Variants in CPEB1 observed in about 807,000 individuals in gnomAD.
The protein encoded by CPEB1 is cytoplasmic polyadenylation element-binding protein 1.
CPEB1 carries 7 observed loss-of-function variants against 65.8 expected under a neutral mutation model. The ratio of observed to expected loss-of-function variants is 0.11; its 90% CI spans 0.06 to 0.20. The LOEUF is 0.20. Among genes scored for constraint, CPEB1 ranks in the 10% least tolerant of loss-of-function variants. The probability of loss-of-function intolerance (pLI) is 1.00; values close to 1 mark genes in which losing one functional copy is unlikely to be tolerated. For synonymous variants in CPEB1, 262 were observed against 260.0 expected (o/e 1.01, Z -0.08); for missense variants, 551 against 712.2 (o/e 0.77, Z 2.58).
In CPEB1 at chr15:82,574,398, C is replaced by A. The variant is rs149940167; in HGVS notation, c.272-2866G>T. On this transcript the variant is annotated intron_variant, in intron 3 of 12. Transcript: ENST00000684509. Reference sequence around the variant, plus strand: ...TCTTTAAAGATGCAACAGTAGCCATCTTTTAGGTGTTTTGTGAGGATTAAA... The same window carrying A: ...TCTTTAAAGATGCAACAGTAGCCATATTTTAGGTGTTTTGTGAGGATTAAA... Among the ~76,000 whole-genome samples, 11 of 152,220 alleles carry A rather than the reference C, an allele frequency of 7.2e-5. No homozygotes were observed. The East Asian group carries it at 2.1e-3, about 29-fold the overall frequency.
upstream of CPEB1, chr15:82,647,883 GC>G (rs1256580568): frequency 3.2e-6 from 4 of 1,247,480 alleles, no homozygotes. Context: ...GGCCGGTGTG[GC>G]CCTGCGGGGC....
chr15:82,553,053 G>C (rs1299463845), intron 8 of CPEB1, among the ~76,000 whole-genome samples: 1 of 152,234 alleles, frequency 6.6e-6, no homozygotes, highest in Non-Finnish European at 1.5e-5. Flanking sequence ...AGACCAGTGA[G>C]GAATCAGATG....
At chr15:82,553,649 C>T (rs2036667588) in intron 7 of CPEB1, 93 bp from the exon 8 acceptor site, 1 of 946,880 alleles carries the variant, frequency 1.1e-6, no homozygotes, top group Admixed American at 2.0e-5. Context: ...TCCTCCCTGG[C>T]TCATCCCCAC....
At chr15:82,636,900 T>G (rs1487653839) in intron 1 of CPEB1, among the ~76,000 whole-genome samples, 1 of 152,252 alleles carries the variant, frequency 6.6e-6, no homozygotes, top group East Asian at 1.9e-4. Flanking sequence ...ATTCTACCTC[T>G]TCTCCCTGTC....
chr15:82,569,961 T>TA (rs1459031843), intron 4 of CPEB1, among the ~76,000 whole-genome samples: 1 of 152,128 alleles, frequency 6.6e-6, no homozygotes, highest in East Asian at 1.9e-4. Context: ...AGGCATAGAA[T>TA]ACCAAACAGT....
At chr15:82,617,736 T>TTG (rs1229167600) in intron 3 of CPEB1, among the ~76,000 whole-genome samples, 2 of 129,842 alleles carry the variant, frequency 1.5e-5, no homozygotes, top group Non-Finnish European at 3.3e-5. Context: ...TTTTTTTTTT[T>TTG]TTTTTTTTTT....
At chr15:82,601,424 C>T (rs978788298) in intron 3 of CPEB1, among the ~76,000 whole-genome samples, 2 of 151,776 alleles carry the variant, frequency 1.3e-5, no homozygotes, top group South Asian at 2.1e-4. Context: ...GCCTGTAATC[C>T]CAGCTACTCA....
chr15:82,562,319 T>G, intron 4 of CPEB1: 1 of 420,614 alleles, frequency 2.4e-6, no homozygotes, highest in Non-Finnish European at 4.7e-6. Context: ...CTTAAATCTA[T>G]CTAGGGCCTT....
upstream of CPEB1, chr15:82,648,624 G>C (rs2047762251): frequency 6.6e-6 from 1 of 152,436 alleles, no homozygotes; most frequent in African/African-American, 2.4e-5. Context: ...AGGGCTCCAG[G>C]GCAGGCGTCC....
At chr15:82,612,866 A>AAAAC (rs896656466) in intron 3 of CPEB1, among the ~76,000 whole-genome samples, 1 of 149,090 alleles carries the variant, frequency 6.7e-6, no homozygotes, top group Non-Finnish European at 1.5e-5. Flanking sequence ...ACAAACAAAC[A>AAAAC]AAACAAACAA....
At chr15:82,597,515 C>A (rs2042757878) in intron 3 of CPEB1, among the ~76,000 whole-genome samples, 1 of 152,158 alleles carries the variant, frequency 6.6e-6, no homozygotes, top group Non-Finnish European at 1.5e-5. Flanking sequence ...TGCATTAAAT[C>A]ATTTCTTACT....
intron 3 of CPEB1, chr15:82,572,936 G>A: frequency 8.2e-7 from 1 of 1,218,632 alleles, no homozygotes; most frequent in Non-Finnish European, 1.1e-6. Context: ...TCCAACATGA[G>A]CCCAGGGTCA....
intron 1 of CPEB1, among the ~76,000 whole-genome samples, chr15:82,634,253 A>G (rs1021580854): frequency 7.9e-5 from 12 of 151,766 alleles, no homozygotes; most frequent in African/African-American, 2.9e-4. Flanking sequence ...TCTGAACCAC[A>G]CTTTGTAGAT....
intron 1 of CPEB1, among the ~76,000 whole-genome samples, chr15:82,635,888 G>A (rs1389059884): frequency 6.6e-6 from 1 of 152,140 alleles, no homozygotes; most frequent in African/African-American, 2.4e-5. Context: ...AGCACAGAGA[G>A]GATACAGAAC....
At chr15:82,647,831 C>G, upstream of CPEB1, 3 of 1,283,680 alleles carry the variant, frequency 2.3e-6, no homozygotes, top group Non-Finnish European at 2.9e-6. Flanking sequence ...CGGCCCCGCC[C>G]AGGCGAGCGG....
Position 82,590,946 on chromosome 15 carries a change from T to C in CPEB1, c.272-19414A>G, listed in dbSNP as rs573628257. 2.0e-5 allele frequency among the ~76,000 whole-genome samples: 3 copies of C among 152,372 alleles called. No homozygotes were observed. In the South Asian group the frequency reaches 6.2e-4, roughly 32 times the overall value. ...AGGCATTTAGGTTGATTCCATGTTT[T>C]TGCTATTGTGAATAGCACTGCAATG... On this transcript the variant is annotated intron_variant, in intron 3 of 12. Coordinates refer to ENST00000684509, the MANE Select transcript of CPEB1 (RefSeq NM_001365242.1).
In CPEB1 at chr15:82,571,549, C is replaced by T. The variant is rs2040031136; in HGVS notation, c.272-17G>A. On this transcript the variant is annotated splice_polypyrimidine_tract_variant and intron_variant, in intron 3 of 12. Coordinates refer to ENST00000684509, the MANE Select transcript of CPEB1 (RefSeq NM_001365242.1). ...CCTGGAAGTCTGTTTTGGAAAGGAG[C>T]ACAGCAGAAACCTCAGAGTTAAGGG... 1.2e-6 allele frequency: 2 copies of T among 1,608,252 alleles called. No individual in the cohort carries two copies. The highest frequency in any genetic ancestry group is 3.4e-5 in the Admixed American group (2 of 59,542).
intron 1 of CPEB1, 67 bp from the exon 2 acceptor site, chr15:82,628,623 A>G (rs773345695): frequency 8.4e-6 from 5 of 593,598 alleles, no homozygotes; most frequent in South Asian, 2.1e-5. Context: ...GAAAAAGCAA[A>G]AAGTCAGACA....
intron 1 of CPEB1, among the ~76,000 whole-genome samples, chr15:82,643,141 G>C (rs58089745): frequency 1.3e-5 from 2 of 152,164 alleles, no homozygotes; most frequent in African/African-American, 4.8e-5. Flanking sequence ...CACAAACACT[G>C]AACTCATAGC....
Sources: allele counts gnomAD v4.1 joint callset (sites outside exome capture counted in the v4.1 genomes callset), GRCh38; gene constraint gnomAD v4.1.1; transcripts MANE v1.5; gene names NCBI Gene and HGNC (gene_info 2026-07-23, HGNC 2026-07-21).